ATF2: variants seen among roughly 807,000 people sequenced by gnomAD.
The protein encoded by ATF2 is cyclic AMP-dependent transcription factor ATF-2.
ATF2 carries 24 observed loss-of-function variants against 60.6 expected under a neutral mutation model. The observed-to-expected ratio is 0.40, with a 90% CI of 0.29 to 0.56. The LOEUF is 0.56. Ranked by LOEUF, ATF2 falls within the 20% of genes least tolerant of loss-of-function variation. ATF2 has a pLI of 0.54. For synonymous variants in ATF2, 206 were observed against 215.4 expected, an observed-to-expected ratio of 0.96 and a Z score of 0.38; for missense variants, 433 against 607.7, an observed-to-expected ratio of 0.71 and a Z score of 3.02.
chr2:175,108,250 C>T (rs368533048), intron 10 of ATF2, among the ~76,000 whole-genome samples: 4 of 150,958 alleles, frequency 2.6e-5, no homozygotes, highest in East Asian at 4.0e-4. Context: ...GGAGCCCCTC[C>T]GCCCAGCAGC....
At chr2:175,157,782 C>A (rs1699774856) in intron 1 of ATF2, among the ~76,000 whole-genome samples, 1 of 152,088 alleles carries the variant, frequency 6.6e-6, no homozygotes, top group African/African-American at 2.4e-5. Context: ...ATCACGAGAT[C>A]AGGAGTTTAA....
chr2:175,098,179 T>C (rs989224684), intron 10 of ATF2, among the ~76,000 whole-genome samples: 2 of 152,262 alleles, frequency 1.3e-5, no homozygotes, highest in Non-Finnish European at 2.9e-5. Flanking sequence ...GCAACTGATA[T>C]AATGATTTGC....
At position 175,109,163 on chromosome 2, in the gene ATF2, A is replaced by G. The variant is rs567224494; in HGVS notation, c.828+2405T>C. On this transcript the variant is annotated intron_variant, in intron 10 of 13. Coordinates refer to ENST00000264110, the MANE Select transcript of ATF2 (RefSeq NM_001880.4). ...CCTCTGTGAGAAACACCCAAGAATG[A>G]TCAATAAAAAAAAAAAAAAAAAAAA... Among the ~76,000 whole-genome samples, 25 of 107,162 alleles carry G rather than the reference A, an allele frequency of 2.3e-4. 1 individual carries two copies. The South Asian group carries it at 7.3e-3, about 31-fold the overall frequency. The allele number at this position is 107,162 out of a possible 152,430, so 70.3% of individuals were successfully genotyped here.
intron 11 of ATF2, among the ~76,000 whole-genome samples, chr2:175,093,637 T>C (rs919779360): frequency 1.1e-4 from 16 of 152,300 alleles, no homozygotes; most frequent in African/African-American, 3.1e-4. Flanking sequence ...GGAAAACTAA[T>C]TATAAATTTC....
intron 9 of ATF2, among the ~76,000 whole-genome samples, chr2:175,113,602 T>C (rs1290945838): frequency 6.6e-6 from 1 of 152,162 alleles, no homozygotes; most frequent in Non-Finnish European, 1.5e-5. Context: ...CTACAAACCC[T>C]ACTTGACCAC....
Position 175,080,663 on chromosome 2 carries a change from G to C in ATF2, c.1288C>G (p.His430Asp). ...TAGGTAATGGAACATTACTCACTATGATAGCCAGATTTCTTCTGCATGGCG... is the reference window on the plus strand; with the variant it reads ...TAGGTAATGGAACATTACTCACTATCATAGCCAGATTTCTTCTGCATGGCG... ...VTAMQKKSGY[H>D]TADKDDSSED... Residue 430 changes from histidine (H) to aspartate (D), a missense_variant, in exon 13 of 14, where the codon CAT (histidine) becomes GAT (aspartate). His to Asp is a moderately conservative substitution (Grantham distance 81). Transcript: ENST00000264110. 1 of 1,612,304 alleles carries C rather than the reference G, an allele frequency of 6.2e-7. No individual in the cohort carries two copies. The highest frequency in any genetic ancestry group is 8.5e-7 in the Non-Finnish European group (1 of 1,178,776).
chr2:175,095,044 G>A (rs1023014571), intron 11 of ATF2, among the ~76,000 whole-genome samples: 1 of 151,830 alleles, frequency 6.6e-6, no homozygotes, highest in Non-Finnish European at 1.5e-5. Flanking sequence ...ATATTTCTAT[G>A]GCTGGCTTCA....
rs367911807 is a variant in ATF2, at chr2:175,138,842, C to T, written c.-43-2356G>A. 6.0e-4 allele frequency among the ~76,000 whole-genome samples: 91 copies of T among 152,302 alleles called. 2 individuals carry two copies. Among genetic ancestry groups the T allele is most frequent in the South Asian group, 5.8e-3 (28 of 4,828 alleles). ...TGTCATCTATTATATAATCTGTGTGCTTCTCCCACCCCATTCTACTGCCTA... is the reference window on the plus strand; with the variant it reads ...TGTCATCTATTATATAATCTGTGTGTTTCTCCCACCCCATTCTACTGCCTA... On this transcript the variant is annotated intron_variant, in intron 2 of 13. Transcript: ENST00000264110.
Position 175,118,003 on chromosome 2 carries a change from G to A in ATF2, c.434C>T (p.Thr145Ile), listed in dbSNP as rs1386380681. 6.2e-7 allele frequency: 1 copy of A among 1,607,614 alleles called. No individual in the cohort carries two copies. The highest frequency in any genetic ancestry group is 8.5e-7 in the Non-Finnish European group (1 of 1,177,296). ...AAAATTTCTAACCTTCTCATCACTGGTAGTAGACTCTGGGTGAGGTAAAGG... is the reference window on the plus strand; with the variant it reads ...AAAATTTCTAACCTTCTCATCACTGATAGTAGACTCTGGGTGAGGTAAAGG... ...DSPLPHPESTTSDEKEVPLAQ... is the reference protein window; with the variant it reads ...DSPLPHPESTISDEKEVPLAQ... The change falls in exon 7 of 14, where the codon ACC becomes ATC. Residue 145 changes from threonine (T) to isoleucine (I), a missense_variant. Thr to Ile is a moderately conservative substitution (Grantham distance 89, BLOSUM62 -1). Transcript: ENST00000264110.
rs144331091 is a variant in ATF2, at chr2:175,158,296, G to C, written c.-142-7138C>G. ...CTGTAAGTACAGTGGCCCAACCATG[G>C]CTCACTGCAACCTGGATCTCCTGGG... is the stretch of plus-strand genomic sequence containing the variant. On this transcript the variant is annotated intron_variant, in intron 1 of 13. Coordinates refer to ENST00000264110, the MANE Select transcript of ATF2 (RefSeq NM_001880.4). Among the ~76,000 whole-genome samples the C allele has an allele frequency of 2.0e-5, 3 of 147,742 alleles. No individual in the cohort carries two copies. The East Asian group carries it at 5.9e-4, about 29-fold the overall frequency.
chr2:175,074,924 G>A, intron 13 of ATF2, 89 bp from the exon 14 acceptor site: 1 of 1,555,786 alleles, frequency 6.4e-7, no homozygotes, highest in Non-Finnish European at 8.7e-7. Flanking sequence ...TAAAAAGTTA[G>A]AAAGTATCTT....
intron 2 of ATF2, among the ~76,000 whole-genome samples, chr2:175,150,390 A>C (rs1699231583): frequency 6.6e-6 from 1 of 152,124 alleles, no homozygotes; most frequent in Non-Finnish European, 1.5e-5. Flanking sequence ...ACATTTATTA[A>C]ATTGGTATTT....
chr2:175,127,021 C>T (rs540686663), intron 4 of ATF2: 1 of 151,854 alleles, frequency 6.6e-6, no homozygotes, highest in African/African-American at 2.4e-5. Flanking sequence ...GGCTTGAGCC[C>T]AGGAGTTTGA....
intron 9 of ATF2, among the ~76,000 whole-genome samples, chr2:175,111,958 A>T (rs1696224291): frequency 6.6e-6 from 1 of 152,236 alleles, no homozygotes; most frequent in South Asian, 2.1e-4. Flanking sequence ...AAGATCTGTC[A>T]AACTTCCATT....
rs1696962806 is a variant in ATF2, at chr2:175,121,677, C to T, written c.103-137G>A. 8.4e-6 allele frequency: 5 copies of T among 597,580 alleles called. No homozygotes were observed. The East Asian group carries it at 9.0e-5, about 11-fold the overall frequency. 37.0% of individuals were successfully genotyped at this position (597,580 alleles called of 1,614,324 possible). The stretch of plus-strand genomic sequence containing the variant: ...GCAGTTTTTAAACTATAAAAGAATC[C>T]GTTATTGTTAGTAGATAGCACACTA... On this transcript the variant is annotated intron_variant, in intron 4 of 13. Coordinates refer to ENST00000264110, the MANE Select transcript of ATF2 (RefSeq NM_001880.4).
intron 1 of ATF2, among the ~76,000 whole-genome samples, chr2:175,158,078 A>C (rs1001595684): frequency 6.6e-6 from 1 of 152,056 alleles, no homozygotes; most frequent in Non-Finnish European, 1.5e-5. Context: ...TACATTCATG[A>C]CTATCTTCAT....
chr2:175,159,478 A>AT (rs1004885239), intron 1 of ATF2, among the ~76,000 whole-genome samples: 1 of 152,058 alleles, frequency 6.6e-6, no homozygotes, highest in Non-Finnish European at 1.5e-5. Flanking sequence ...AAGCAGCAGT[A>AT]TTTTTTCCCC....
intron 1 of ATF2, among the ~76,000 whole-genome samples, chr2:175,165,129 G>C (rs1438713455): frequency 1.5e-5 from 1 of 66,230 alleles, no homozygotes; most frequent in Non-Finnish European, 4.3e-5. Context: ...GGCTAAGGTG[G>C]GATTTTTTTT....
chr2:175,139,179 G>C (rs1273210094), intron 2 of ATF2, among the ~76,000 whole-genome samples: 1 of 152,114 alleles, frequency 6.6e-6, no homozygotes, highest in South Asian at 2.1e-4. Context: ...ATTCATCGTT[G>C]TATCTGCACA....
Sources: gnomAD v4.1 joint callset for allele counts (sites outside exome capture counted in the v4.1 genomes callset) on GRCh38, gnomAD v4.1.1 for gene constraint, MANE v1.5 for transcripts, NCBI Gene and HGNC (gene_info 2026-07-23, HGNC 2026-07-21) for gene names.